Variants in CC2D2A observed in about 807,000 individuals in gnomAD.
CC2D2A encodes coiled-coil and C2 domain containing 2A, also known as coiled-coil and C2 domain-containing protein 2A.
A neutral mutation model predicts 212.9 loss-of-function variants in CC2D2A; 155 were observed. The ratio of observed to expected loss-of-function variants is 0.73; its 90% CI spans 0.64 to 0.83. CC2D2A has a LOEUF of 0.83. Among genes scored for constraint, CC2D2A ranks in the 40% least tolerant of loss-of-function variants. The probability of loss-of-function intolerance (pLI) is 0.00; values close to 1 mark genes in which losing one functional copy is unlikely to be tolerated. For synonymous variants in CC2D2A, 667 were observed against 686.5 expected (o/e 0.97, Z 0.44); for missense variants, 1,856 against 1,956.2 (o/e 0.95, Z 0.97).
In CC2D2A at chr4:15,567,442, C is replaced by G; in HGVS notation, c.3248C>G (p.Thr1083Arg). Residue 1083 changes from threonine to arginine, a missense_variant, in exon 25 of 37, where the codon ACG becomes AGG. Coordinates refer to ENST00000424120, the MANE Select transcript of CC2D2A (RefSeq NM_001378615.1). ...GAAAAGCATGCTGCTTCCCCAAGCA[C>G]GTACAGCCCAACCCACAATGCTGAC... is the stretch of plus-strand genomic sequence containing the variant. ...FSEKHAASPS[T>R]YSPTHNADYP... The G allele has an allele frequency of 6.2e-7, 1 of 1,613,590 alleles. No individual in the cohort carries two copies. Among genetic ancestry groups the G allele is most frequent in the Non-Finnish European group, 8.5e-7 (1 of 1,179,680 alleles).
chr4:15,527,431 C>G lies in CC2D2A; in HGVS notation c.1150-16C>G. The stretch of plus-strand genomic sequence containing the variant: ...GCTTTAACTGTGTTCTGTCTACACT[C>G]TGCTTTCCTTGGCAGGCTGTAAAAT... On this transcript the variant is annotated splice_polypyrimidine_tract_variant and intron_variant, in intron 11 of 36. Coordinates refer to ENST00000424120, the MANE Select transcript of CC2D2A (RefSeq NM_001378615.1). The G allele has an allele frequency of 1.9e-6, 3 of 1,598,826 alleles. No individual in the cohort carries two copies. The highest frequency in any genetic ancestry group is 1.1e-5 in the South Asian group (1 of 89,772).
At chr4:15,493,007 T>A in intron 4 of CC2D2A, 1 of 411,732 alleles carries the variant, frequency 2.4e-6, no homozygotes. Context: ...ACCTATGTGG[T>A]TGCATTTCCC....
intron 16 of CC2D2A, among the ~76,000 whole-genome samples, chr4:15,540,191 A>G (rs1718352022): frequency 6.6e-6 from 1 of 152,088 alleles, no homozygotes; most frequent in African/African-American, 2.4e-5. Context: ...CCTTTCCTCA[A>G]TTAGCTTGAA....
intron 28 of CC2D2A, among the ~76,000 whole-genome samples, chr4:15,571,279 A>G (rs1054765137): frequency 1.3e-5 from 2 of 152,230 alleles, no homozygotes; most frequent in Admixed American, 6.5e-5. Context: ...TGAAAAATGC[A>G]GAGACACGCT....
intron 7 of CC2D2A, 50 bp from the exon 8 acceptor site, chr4:15,511,197 C>T: frequency 6.5e-7 from 1 of 1,537,318 alleles, no homozygotes; most frequent in Non-Finnish European, 8.8e-7. Context: ...GTGCAGAGCG[C>T]ATTACAGCTT....
intron 11 of CC2D2A, among the ~76,000 whole-genome samples, chr4:15,521,639 C>A (rs1717209388): frequency 6.6e-6 from 1 of 152,218 alleles, no homozygotes; most frequent in African/African-American, 2.4e-5. Flanking sequence ...TTTCTCCTCT[C>A]TGGCTATGCT....
At chr4:15,530,756 A>T (rs949882087) in intron 13 of CC2D2A, among the ~76,000 whole-genome samples, 2 of 152,034 alleles carry the variant, frequency 1.3e-5, no homozygotes, top group African/African-American at 4.8e-5. Context: ...TGGATGTTTC[A>T]TCACATGGAT....
rs145944022 is a variant in CC2D2A, at chr4:15,600,046, A to G, written c.4674+340A>G. Reference sequence around the variant, plus strand: ...AGTTTTTTTAAGGATATGGTTTTATACTGATTGCTTTTCATTGCTAAGAAA... The same window carrying G: ...AGTTTTTTTAAGGATATGGTTTTATGCTGATTGCTTTTCATTGCTAAGAAA... On this transcript the variant is annotated intron_variant, in intron 36 of 36. Transcript: ENST00000424120. Among the ~76,000 whole-genome samples, 224 of 152,300 alleles carry G rather than the reference A, an allele frequency of 1.5e-3. 3 individuals carry two copies. The highest frequency in any genetic ancestry group is 2.2e-3 in the Non-Finnish European group (148 of 68,016).
chr4:15,551,641 G>C (rs1320228434), intron 18 of CC2D2A, among the ~76,000 whole-genome samples: 3 of 152,026 alleles, frequency 2.0e-5, no homozygotes, highest in African/African-American at 4.8e-5. Flanking sequence ...TTCCCAATCA[G>C]TGTGGTCAGT....
At chr4:15,519,191 A>ATC (rs1353477001) in intron 11 of CC2D2A, 21 of 284,526 alleles carry the variant, frequency 7.4e-5, no homozygotes, top group Middle Eastern at 1.3e-3. Context: ...ACCCTAAATC[A>ATC]TCTCTCTCTC....
rs368070611 is a variant in CC2D2A at position 15,601,397 on chromosome 4, A to G, written c.4835A>G (p.Tyr1612Cys). ...AAAAATGTTTTGTCTGTTTGGATCT[A>G]TGTTGCCTCTCTTATACGCAACAGG... ...YPKNVLSVWI[Y>C]VASLIRNR The change falls in exon 37 of 37, where the codon TAT becomes TGT. Residue 1612 changes from tyrosine to cysteine, a missense_variant. Around this residue, in one of 5 missense-constraint regions of CC2D2A, gnomAD observed 285 missense variants for 278.4 expected, o/e 1.02. Transcript: ENST00000424120. 6.4e-7 allele frequency: 1 copy of G among 1,553,790 alleles called. No homozygotes were observed. Among genetic ancestry groups the G allele is most frequent in the African/African-American group, 1.4e-5 (1 of 73,504 alleles).
chr4:15,517,452 T>A (rs1716949164), intron 11 of CC2D2A, among the ~76,000 whole-genome samples: 2 of 152,212 alleles, frequency 1.3e-5, no homozygotes, highest in Admixed American at 1.3e-4. Context: ...TTGCAAATCC[T>A]TTATATTGTA....
intron 33 of CC2D2A, among the ~76,000 whole-genome samples, chr4:15,592,384 C>T (rs991619196): frequency 6.6e-6 from 1 of 152,176 alleles, no homozygotes; most frequent in Non-Finnish European, 1.5e-5. Context: ...CCTTAACCTA[C>T]TGTAATCTAG....
chr4:15,503,076 C>T (rs772822436), intron 6 of CC2D2A, among the ~76,000 whole-genome samples, 153 bp downstream of exon 6: 1 of 152,078 alleles, frequency 6.6e-6, no homozygotes, highest in Non-Finnish European at 1.5e-5. Flanking sequence ...GTGGGAGGAT[C>T]GCTTGAGTCC....
intron 8 of CC2D2A, among the ~76,000 whole-genome samples, chr4:15,512,984 C>T (rs1209805331): frequency 6.6e-6 from 1 of 151,552 alleles, no homozygotes; most frequent in African/African-American, 2.4e-5. Flanking sequence ...TGGTGGACTT[C>T]ATGTTATATA....
At chr4:15,500,095 G>GTATA (rs1423059192) in intron 4 of CC2D2A, among the ~76,000 whole-genome samples, 6 of 52,572 alleles carry the variant, frequency 1.1e-4, no homozygotes, top group East Asian at 1.1e-3. Context: ...GTGTGTGTGT[G>GTATA]TGTGTGTGTG....
intron 33 of CC2D2A, among the ~76,000 whole-genome samples, chr4:15,594,357 C>A (rs1376646301): frequency 6.6e-6 from 1 of 152,162 alleles, no homozygotes; most frequent in Non-Finnish European, 1.5e-5. Flanking sequence ...CACCCCCAAA[C>A]TAAATGGCTT....
intron 11 of CC2D2A, among the ~76,000 whole-genome samples, chr4:15,526,440 C>T (rs188504802): frequency 6.6e-6 from 1 of 152,196 alleles, no homozygotes; most frequent in Non-Finnish European, 1.5e-5. Context: ...TTACATAACA[C>T]CATGCAAAAG....
chr4:15,497,788 A>G (rs1042211394), intron 4 of CC2D2A, among the ~76,000 whole-genome samples: 2 of 152,134 alleles, frequency 1.3e-5, no homozygotes, highest in African/African-American at 4.8e-5. Flanking sequence ...TAGTTAGCCA[A>G]TTGTACTTCT....
Sources: allele counts gnomAD v4.1 joint callset (sites outside exome capture counted in the v4.1 genomes callset), GRCh38; gene constraint gnomAD v4.1.1; regional missense constraint gnomAD v4.1.1; transcripts MANE v1.5; gene names NCBI Gene and HGNC (gene_info 2026-07-23, HGNC 2026-07-21).